The following SLC9A9 variants were observed in gnomAD, a reference collection of about 807,000 sequenced individuals.
The protein encoded by SLC9A9 is solute carrier family 9 member A9, also known as sodium/hydrogen exchanger 9.
SLC9A9 carries 62 observed loss-of-function variants against 77.8 expected under a neutral mutation model. That is an observed-to-expected ratio of 0.80 (90% CI 0.65 to 0.98). SLC9A9 has a LOEUF of 0.98. SLC9A9 is among the 50% of genes least tolerant of loss of function. The pLI, the probability that SLC9A9 is intolerant of heterozygous loss-of-function variation, is 0.00. For synonymous variants in SLC9A9, 320 were observed against 283.5 expected (o/e 1.13, Z -1.29); for missense variants, 775 against 774.9 (o/e 1.00, Z 0.00).
intron 4 of SLC9A9, among the ~76,000 whole-genome samples, chr3:143,777,482 T>C (rs2007728470): frequency 6.6e-6 from 1 of 152,190 alleles, no homozygotes; most frequent in Non-Finnish European, 1.5e-5. Flanking sequence ...TGAGAAACTA[T>C]TTTCTAGTGA....
chr3:143,578,858 A>G, intron 6 of SLC9A9, 135 bp from the exon 7 acceptor site: 2 of 1,022,040 alleles, frequency 2.0e-6, no homozygotes, highest in Admixed American at 3.5e-5. Context: ...GGGAAAACAG[A>G]TACAGAAGGG....
At chr3:143,309,869 G>A (rs1472490640) in intron 14 of SLC9A9, among the ~76,000 whole-genome samples, 6 of 151,480 alleles carry the variant, frequency 4.0e-5, no homozygotes, top group African/African-American at 1.2e-4. Context: ...AGAGTGAGAG[G>A]GAAAAAAAAA....
At chr3:143,714,300 A>C (rs945602276) in intron 4 of SLC9A9, among the ~76,000 whole-genome samples, 3 of 152,062 alleles carry the variant, frequency 2.0e-5, no homozygotes, top group Non-Finnish European at 4.4e-5. Context: ...CTTATCCAGA[A>C]CCCTGGCATT....
At chr3:143,375,000 T>C (rs970498979) in intron 13 of SLC9A9, among the ~76,000 whole-genome samples, 2 of 152,138 alleles carry the variant, frequency 1.3e-5, no homozygotes, top group Non-Finnish European at 2.9e-5. Flanking sequence ...AATTGTTCAA[T>C]TGGGGGTTTT....
chr3:143,469,037 A>G (rs960527065), intron 11 of SLC9A9, among the ~76,000 whole-genome samples: 5 of 152,086 alleles, frequency 3.3e-5, no homozygotes, highest in African/African-American at 4.8e-5. Flanking sequence ...GCGCACACCT[A>G]TAGTCCCAAT....
intron 12 of SLC9A9, among the ~76,000 whole-genome samples, chr3:143,435,515 A>G (rs572027238): frequency 6.6e-6 from 1 of 152,250 alleles, no homozygotes; most frequent in Non-Finnish European, 1.5e-5. Flanking sequence ...AAACTTTACT[A>G]TTCAAAAAAT....
chr3:143,820,104 T>C (rs1404061057), intron 2 of SLC9A9, among the ~76,000 whole-genome samples: 3 of 152,244 alleles, frequency 2.0e-5, no homozygotes, highest in Non-Finnish European at 4.4e-5. Context: ...TTTTCTCATT[T>C]GCAATTCACA....
At chr3:143,679,507 G>A (rs573669799) in intron 5 of SLC9A9, among the ~76,000 whole-genome samples, 10 of 152,144 alleles carry the variant, frequency 6.6e-5, no homozygotes, top group South Asian at 2.1e-4. Context: ...CGTCTAGTGC[G>A]TTTTCAAAGT....
chr3:143,604,372 A>C (rs1445450032), intron 6 of SLC9A9, among the ~76,000 whole-genome samples: 1 of 152,184 alleles, frequency 6.6e-6, no homozygotes, highest in Admixed American at 6.5e-5. Context: ...TCTCTTATGG[A>C]GCTCAAAACC....
chr3:143,787,319 C>T (rs2008083462), intron 4 of SLC9A9, among the ~76,000 whole-genome samples: 2 of 152,098 alleles, frequency 1.3e-5, no homozygotes, highest in Admixed American at 1.3e-4. Context: ...TACCTAGAAA[C>T]ATACCCCAAC....
chr3:143,546,735 T>C lies in SLC9A9; in HGVS notation c.1089+5627A>G, dbSNP rs2036798433. Among the ~76,000 whole-genome samples, 8 of 152,348 alleles carry C rather than the reference T, an allele frequency of 5.3e-5. No homozygotes were observed. In the South Asian group the frequency reaches 1.7e-3, roughly 32 times the overall value. ...CTACTTATAAGCCTAGAAAAAACTC[T>C]AATACATCATTTTTTTCTTTACTGT... On this transcript the variant is annotated intron_variant, in intron 9 of 15. Coordinates refer to ENST00000316549, the MANE Select transcript of SLC9A9 (RefSeq NM_173653.4).
At chr3:143,726,045 T>A (rs1934642502) in intron 4 of SLC9A9, among the ~76,000 whole-genome samples, 1 of 152,026 alleles carries the variant, frequency 6.6e-6, no homozygotes, top group Non-Finnish European at 1.5e-5. Flanking sequence ...GTATATTTAC[T>A]GTATAATTTT....
At chr3:143,513,026 G>T (rs2036142602) in intron 9 of SLC9A9, among the ~76,000 whole-genome samples, 1 of 152,134 alleles carries the variant, frequency 6.6e-6, no homozygotes, top group Non-Finnish European at 1.5e-5. Context: ...ATGTTTAATG[G>T]CTCCTGACTG....
chr3:143,353,363 C>T (rs916316349), intron 14 of SLC9A9, among the ~76,000 whole-genome samples: 21 of 152,116 alleles, frequency 1.4e-4, no homozygotes, highest in South Asian at 4.1e-4. Context: ...TTAGGTAATG[C>T]GAGTTCTGCC....
intron 9 of SLC9A9, among the ~76,000 whole-genome samples, chr3:143,550,488 G>A (rs929952653): frequency 6.6e-6 from 1 of 152,146 alleles, no homozygotes; most frequent in African/African-American, 2.4e-5. Context: ...TGACCAATGA[G>A]ATATTTAGGA....
At chr3:143,386,780 T>C (rs535215999) in intron 12 of SLC9A9, among the ~76,000 whole-genome samples, 2 of 152,254 alleles carry the variant, frequency 1.3e-5, no homozygotes, top group African/African-American at 2.4e-5. Context: ...TCTGGTCTCA[T>C]AGCAAAACAT....
rs532024742 is a variant in SLC9A9, at chr3:143,575,128, C to T, written c.895-935G>A. 3.3e-5 allele frequency among the ~76,000 whole-genome samples: 5 copies of T among 152,316 alleles called. No homozygotes were observed. The South Asian group carries it at 1.0e-3, about 32-fold the overall frequency. On this transcript the variant is annotated intron_variant, in intron 7 of 15. Coordinates refer to ENST00000316549, the MANE Select transcript of SLC9A9 (RefSeq NM_173653.4). The stretch of plus-strand genomic sequence containing the variant: ...AGTGACTGGCTGTGTGATTTCTCAG[C>T]AGTATATTAACCTCTCTGAGCCTCA...
rs548839839 is a variant in SLC9A9 at position 143,783,042 on chromosome 3, T to C, written c.533+11959A>G. On this transcript the variant is annotated intron_variant, in intron 4 of 15. Transcript: ENST00000316549. Reference sequence around the variant, plus strand: ...CCAGGTTCAAACTTTCATAACCTCCTAACTGTTATCTTGCTTCCTGCCTTG... The same window carrying C: ...CCAGGTTCAAACTTTCATAACCTCCCAACTGTTATCTTGCTTCCTGCCTTG... Among the ~76,000 whole-genome samples, 5 of 152,296 alleles carry C rather than the reference T, an allele frequency of 3.3e-5. No homozygotes were observed. The East Asian group carries it at 9.7e-4, about 30-fold the overall frequency.
intron 13 of SLC9A9, among the ~76,000 whole-genome samples, chr3:143,370,565 G>GCACACACACACACACACACA (rs1400523794): frequency 5.2e-5 from 2 of 38,382 alleles, no homozygotes; most frequent in African/African-American, 2.4e-4. Context: ...ATGCATGTGC[G>GCACACACACACACACACACA]CGCACACACA....
Sources: allele counts gnomAD v4.1 joint callset (sites outside exome capture counted in the v4.1 genomes callset), GRCh38; gene constraint gnomAD v4.1.1; transcripts MANE v1.5; gene names NCBI Gene and HGNC (gene_info 2026-07-23, HGNC 2026-07-21).